VAV2: variants seen among roughly 807,000 people sequenced by gnomAD.
VAV2 encodes the protein vav guanine nucleotide exchange factor 2, also known as guanine nucleotide exchange factor VAV2.
Under a neutral mutation model 132.5 loss-of-function variants are expected in VAV2, and 67 were observed. The ratio of observed to expected loss-of-function variants is 0.51; its 90% CI spans 0.42 to 0.62. The LOEUF (loss-of-function observed/expected upper bound fraction) is 0.62, where lower values mean the gene tolerates loss of function less well. Among genes scored for constraint, VAV2 ranks in the 20% least tolerant of loss-of-function variants. The pLI is 0.00. For missense variants in VAV2, 938 were observed against 1,153.6 expected (o/e 0.81, Z 2.71); for synonymous variants, 492 against 443.5 (o/e 1.11, Z -1.37).
intron 8 of VAV2, among the ~76,000 whole-genome samples, chr9:133,806,522 C>T (rs544882846): frequency 6.5e-4 from 99 of 151,662 alleles, no homozygotes; most frequent in African/African-American, 2.4e-3. Flanking sequence ...CCGGGACCCC[C>T]ATCCCCACCC....
rs1379248664 is a variant in VAV2, at chr9:133,797,787, A to G, written c.859T>C (p.Cys287Arg). 6.2e-7 allele frequency: 1 copy of G among 1,613,904 alleles called. No individual in the cohort carries two copies. The highest frequency in any genetic ancestry group is 1.3e-5 in the African/African-American group (1 of 74,936). ...TTCTGGGCGTGCTCCATGTGGCTGC[A>G]GTACTCCCCGTAGATCAGAAGCCTG... Reference protein sequence around the residue: ...KERLLIYGEYCSHMEHAQNTL... With the variant: ...KERLLIYGEYRSHMEHAQNTL... Residue 287 changes from cysteine (C) to arginine (R), a missense_variant, in exon 10 of 30, where the codon TGC (cysteine) becomes CGC (arginine). By Grantham distance (180) the Cys-to-Arg change is radical. Coordinates refer to ENST00000371850, the MANE Select transcript of VAV2 (RefSeq NM_001134398.2).
intron 4 of VAV2, among the ~76,000 whole-genome samples, chr9:133,827,245 CTGAGCGG>C (rs747791782): frequency 0.3 from 12,595 of 42,090 alleles, 4,038 homozygotes; most frequent in East Asian, 0.68. Context: ...GGGCTGACCA[CTGAGCGG>C]GGGCATCACC....
At chr9:133,782,100 CGGGGG>C (rs1834030739) in intron 19 of VAV2, among the ~76,000 whole-genome samples, 1 of 130,762 alleles carries the variant, frequency 7.6e-6, no homozygotes, top group African/African-American at 2.9e-5. Context: ...AATAATCCGG[CGGGGG>C]CGGGGCGGGG....
intron 1 of VAV2, among the ~76,000 whole-genome samples, chr9:133,974,226 C>T (rs1224825135): frequency 6.6e-6 from 1 of 152,142 alleles, no homozygotes; most frequent in Non-Finnish European, 1.5e-5. Flanking sequence ...TGCCTGTCTG[C>T]CCGGAGCCAG....
intron 3 of VAV2, among the ~76,000 whole-genome samples, chr9:133,855,842 T>C (rs1201037413): frequency 6.6e-6 from 1 of 151,912 alleles, no homozygotes; most frequent in Non-Finnish European, 1.5e-5. Flanking sequence ...GCCTGACCCC[T>C]GTCCCCTGCC....
In VAV2 at chr9:133,788,293, G is replaced by C; in HGVS notation, c.1407+61C>G. On this transcript the variant is annotated intron_variant, in intron 15 of 29. Coordinates refer to ENST00000371850, the MANE Select transcript of VAV2 (RefSeq NM_001134398.2). This position sits in a 1 kb window ranked among gnomAD's most constrained non-coding sequence, Gnocchi z 5.3. ...CCCTTCCCCTGGGGTCTGGAACCCA[G>C]TGCCTCTCTCCAGGCCACCCCCACG... 2.3e-6 allele frequency: 3 copies of C among 1,331,628 alleles called. 1 individual carries two copies. The South Asian group carries it at 3.5e-5, about 15-fold the overall frequency. The allele number at this position is 1,331,628 out of a possible 1,614,324, so 82.5% of individuals were successfully genotyped here. A position where few individuals can be genotyped will look rare whatever the true frequency, so the allele number is the denominator to read the frequency against.
At chr9:133,778,280 G>A (rs373895630) in intron 22 of VAV2, among the ~76,000 whole-genome samples, 45 of 152,276 alleles carry the variant, frequency 3.0e-4, no homozygotes, top group African/African-American at 1.1e-3. Context: ...ACGACATCAC[G>A]ATGACAACAT....
intron 2 of VAV2, among the ~76,000 whole-genome samples, chr9:133,937,472 C>T (rs72764817): frequency 0.021 from 3,097 of 145,368 alleles, 52 homozygotes; most frequent in Middle Eastern, 0.07. Context: ...TGAGTGTGAA[C>T]ATGTGTGGGG....
At chr9:133,811,565 G>A (rs962373636) in intron 5 of VAV2, among the ~76,000 whole-genome samples, 2 of 152,200 alleles carry the variant, frequency 1.3e-5, no homozygotes, top group Admixed American at 6.5e-5. Flanking sequence ...GCAGCTGCTG[G>A]CAATAAACCC....
At chr9:133,888,329 C>T (rs1162279319) in intron 2 of VAV2, among the ~76,000 whole-genome samples, 1 of 152,178 alleles carries the variant, frequency 6.6e-6, no homozygotes, top group Non-Finnish European at 1.5e-5. Flanking sequence ...CGACCTGTGC[C>T]CTGGAAAATG....
chr9:133,963,949 A>C (rs10993877), intron 1 of VAV2, among the ~76,000 whole-genome samples: 52,434 of 148,822 alleles, frequency 0.35, 9,752 homozygotes, highest in African/African-American at 0.46. Flanking sequence ...AACAGGAGTG[A>C]CCACAATTAA....
intron 1 of VAV2, among the ~76,000 whole-genome samples, chr9:133,973,114 ACCCAGTGCCACGGAGGG>A (rs1178643816): frequency 1.3e-5 from 2 of 151,894 alleles, no homozygotes; most frequent in African/African-American, 4.8e-5. Context: ...GGCAGTGAAG[ACCCAGTGCCACGGAGGG>A]CCCAAGGAAG....
chr9:133,807,054 C>T (rs962543273), intron 8 of VAV2, among the ~76,000 whole-genome samples: 1 of 152,220 alleles, frequency 6.6e-6, no homozygotes, highest in Non-Finnish European at 1.5e-5. Flanking sequence ...CGCAGACAAG[C>T]GGAGCCCAGA....
At chr9:133,933,625 GTGGA>G (rs1315445880) in intron 2 of VAV2, among the ~76,000 whole-genome samples, 5 of 150,292 alleles carry the variant, frequency 3.3e-5, no homozygotes, top group Admixed American at 6.6e-5. Flanking sequence ...AAATGAGTGG[GTGGA>G]TGGATGGATG....
chr9:133,956,162 G>A (rs1311966258), intron 1 of VAV2, among the ~76,000 whole-genome samples: 2 of 152,142 alleles, frequency 1.3e-5, no homozygotes, highest in Non-Finnish European at 2.9e-5. Flanking sequence ...TCCTGAGAAG[G>A]AGGGAGCTTC....
chr9:133,838,387 GT>G (rs1836555134), intron 3 of VAV2, among the ~76,000 whole-genome samples: 2 of 149,060 alleles, frequency 1.3e-5, no homozygotes, highest in South Asian at 4.3e-4. Context: ...ATGGCGGGGG[GT>G]GGATGGTTGG....
At chr9:133,880,301 G>T (rs1007651989) in intron 2 of VAV2, among the ~76,000 whole-genome samples, 1 of 152,212 alleles carries the variant, frequency 6.6e-6, no homozygotes, top group African/African-American at 2.4e-5. Flanking sequence ...GGAAGCAGCT[G>T]AGCTGAGAGG....
rs1325360854 is a variant in VAV2, at chr9:133,891,255, C to G, written c.322-29823G>C. Among the ~76,000 whole-genome samples, 5 of 133,466 alleles carry G rather than the reference C, an allele frequency of 3.7e-5. No individual in the cohort carries two copies. In the East Asian group the frequency reaches 1.1e-3, roughly 30 times the overall value. 87.6% of individuals were successfully genotyped at this position (133,466 alleles called of 152,430 possible). On this transcript the variant is annotated intron_variant, in intron 2 of 29. Coordinates refer to ENST00000371850, the MANE Select transcript of VAV2 (RefSeq NM_001134398.2). ...CTCCCTCCCTCCCTCCCACTCTCAG[C>G]AGGAGGGATGGGGGGGAGGGTGGTG... is the stretch of plus-strand genomic sequence containing the variant.
intron 10 of VAV2, among the ~76,000 whole-genome samples, 198 bp downstream of exon 10, chr9:133,797,512 G>C (rs1278766910): frequency 1.3e-5 from 2 of 152,158 alleles, no homozygotes; most frequent in Non-Finnish European, 2.9e-5. Flanking sequence ...TCCTGGCCTG[G>C]GATGGTGACC....
Sources: gnomAD v4.1 joint callset for allele counts (sites outside exome capture counted in the v4.1 genomes callset) on GRCh38, gnomAD v4.1.1 for gene constraint, Gnocchi (gnomAD v3.1) non-coding constraint, MANE v1.5 for transcripts, NCBI Gene and HGNC (gene_info 2026-07-23, HGNC 2026-07-21) for gene names.